The following HSD3B1 variants were observed in gnomAD, a reference collection of about 807,000 sequenced individuals.
The protein encoded by HSD3B1 is hydroxy-delta-5-steroid dehydrogenase, 3 beta- and steroid delta-isomerase 1.
HSD3B1 carries 11 observed loss-of-function variants against 10.4 expected under a neutral mutation model. The ratio of observed to expected loss-of-function variants is 1.05; its 90% confidence interval spans 0.66 to 1.75. The LOEUF is 1.75. HSD3B1 is among the 40% of genes most tolerant of loss of function. The pLI, the probability that HSD3B1 is intolerant of heterozygous loss-of-function variation, is 0.00. For synonymous variants in HSD3B1, 217 were observed against 185.4 expected (o/e 1.17, Z -1.39); for missense variants, 490 against 454.5 (o/e 1.08, Z -0.71).
At chr1:119,509,425 T>C (rs1190318166) in intron 2 of HSD3B1, among the ~76,000 whole-genome samples, 1 of 152,204 alleles carries the variant, frequency 6.6e-6, no homozygotes, top group African/African-American at 2.4e-5. Context: ...AAAGTACCTT[T>C]TCCTAGTCCC....
At position 119,509,010 on chromosome 1, in the gene HSD3B1, A is replaced by G. The variant is rs587654796; in HGVS notation, c.145+1389A>G. ...TTGTTCCCCTATGGTAAAAATGCAG[A>G]TCATATAATAGACAGGCAGGGATCT... On this transcript the variant is annotated intron_variant, in intron 2 of 3. Transcript: ENST00000369413. Among the ~76,000 whole-genome samples, 22 of 152,362 alleles carry G rather than the reference A, an allele frequency of 1.4e-4. No homozygotes were observed. The South Asian group carries it at 2.3e-3, about 16-fold the overall frequency.
chr1:119,509,382 C>T (rs1280679063), intron 2 of HSD3B1, among the ~76,000 whole-genome samples: 1 of 152,180 alleles, frequency 6.6e-6, no homozygotes, highest in Non-Finnish European at 1.5e-5. Flanking sequence ...TCTACAGTGC[C>T]TTGGAGAAGA....
chr1:119,510,273 T>C (rs992646573), intron 2 of HSD3B1, among the ~76,000 whole-genome samples: 2 of 152,158 alleles, frequency 1.3e-5, no homozygotes, highest in Admixed American at 6.5e-5. Flanking sequence ...GCGATGTTAG[T>C]TCATTGGTGG....
intron 3 of HSD3B1, 33 bp downstream of exon 3, chr1:119,511,700 T>G (rs745314194): frequency 6.2e-7 from 1 of 1,604,260 alleles, no homozygotes; most frequent in South Asian, 1.1e-5. Context: ...TGCAGCAAGG[T>G]GGGGAATTAA....
At chr1:119,509,431 G>A (rs1427210812) in intron 2 of HSD3B1, among the ~76,000 whole-genome samples, 1 of 152,188 alleles carries the variant, frequency 6.6e-6, no homozygotes, top group African/African-American at 2.4e-5. Flanking sequence ...CCTTTTCCTA[G>A]TCCCTCTAGA....
chr1:119,513,760 A>C (rs1380122968), intron 3 of HSD3B1, 74 bp from the exon 4 acceptor site: 4 of 1,374,758 alleles, frequency 2.9e-6, no homozygotes, highest in East Asian at 2.3e-5. Flanking sequence ...GGGGTGGGGC[A>C]CATAGATCTG....
intron 2 of HSD3B1, among the ~76,000 whole-genome samples, chr1:119,509,747 G>A (rs1309097193): frequency 6.6e-6 from 1 of 152,190 alleles, no homozygotes; most frequent in African/African-American, 2.4e-5. Flanking sequence ...GGTCCTGCTT[G>A]TACCCCAGGA....
At chr1:119,511,782 C>A in intron 3 of HSD3B1, 115 bp downstream of exon 3, 4 of 948,812 alleles carry the variant, frequency 4.2e-6, no homozygotes, top group Non-Finnish European at 3.3e-6. Flanking sequence ...GGGCCAAGTG[C>A]CTTTGCTGAT....
intron 2 of HSD3B1, 93 bp downstream of exon 2, chr1:119,507,714 T>G: frequency 7.3e-7 from 1 of 1,360,706 alleles, no homozygotes; most frequent in Non-Finnish European, 1.0e-6. Context: ...TTATTGAAAT[T>G]TGTAGCCAAA....
chr1:119,511,350 CCTT>C (rs1409273195), intron 2 of HSD3B1, among the ~76,000 whole-genome samples, 150 bp from the exon 3 acceptor site: 1 of 152,214 alleles, frequency 6.6e-6, no homozygotes, highest in Non-Finnish European at 1.5e-5. Context: ...GATTTCTGTG[CCTT>C]TTTTACTTGT....
intron 3 of HSD3B1, 41 bp from the exon 4 acceptor site, chr1:119,513,793 G>A: frequency 6.3e-7 from 1 of 1,597,598 alleles, no homozygotes; most frequent in Non-Finnish European, 8.6e-7. Flanking sequence ...GCACCTCTTA[G>A]GGATATATCC....
rs189368999 is a variant in HSD3B1, at chr1:119,507,540, C to T, written c.64C>T (p.Leu22Phe). ...GTTTCTGGGACAGAGGATCATCCGC[C>T]TCTTGGTGAAGGAGAAGGAGCTGAA... ...GGFLGQRIIR[L>F]LVKEKELKEI... Residue 22 changes from leucine to phenylalanine, a missense_variant, in exon 2 of 4, where the codon CTC becomes TTC. Coordinates refer to ENST00000369413, the MANE Select transcript of HSD3B1 (RefSeq NM_000862.3). 8.1e-6 allele frequency: 13 copies of T among 1,613,996 alleles called. No individual in the cohort carries two copies. In the Admixed American group the frequency reaches 1.3e-4, roughly 17 times the overall value.
Position 119,513,986 on chromosome 1 carries a change from T to C in HSD3B1, c.463T>C (p.Tyr155His), listed in dbSNP as rs1654021999. The change falls in exon 4 of 4, where the codon TAC becomes CAC. Residue 155 changes from tyrosine (Y) to histidine (H), a missense_variant. Coordinates refer to ENST00000369413, the MANE Select transcript of HSD3B1 (RefSeq NM_000862.3). ...EPLENTWPAP[Y>H]PHSKKLAEKA... Reference sequence around the variant, plus strand: ...TCTGGAAAACACATGGCCCGCTCCATACCCACACAGCAAAAAGCTTGCTGA... The same window carrying C: ...TCTGGAAAACACATGGCCCGCTCCACACCCACACAGCAAAAAGCTTGCTGA... The C allele has an allele frequency of 1.9e-6, 3 of 1,613,970 alleles. No individual in the cohort carries two copies. The highest frequency in any genetic ancestry group is 1.7e-5 in the Admixed American group (1 of 60,000).
chr1:119,511,552 T>A lies in HSD3B1; in HGVS notation c.195T>A (p.Asp65Glu), dbSNP rs751182222. 9.3e-6 allele frequency: 15 copies of A among 1,613,674 alleles called. No homozygotes were observed. Among genetic ancestry groups the A allele is most frequent in the Non-Finnish European group, 1.2e-5 (14 of 1,179,786 alleles). The change falls in exon 3 of 4, where the codon GAT becomes GAA. Residue 65 changes from aspartate (D) to glutamate (E), a missense_variant. Coordinates refer to ENST00000369413, the MANE Select transcript of HSD3B1 (RefSeq NM_000862.3). ...KLTVLEGDIL[D>E]EPFLKRACQD... is the part of the protein sequence containing the mutation. Reference sequence around the variant, plus strand: ...CAGTGCTGGAAGGAGACATTCTGGATGAGCCATTCCTGAAGAGAGCCTGCC... The same window carrying A: ...CAGTGCTGGAAGGAGACATTCTGGAAGAGCCATTCCTGAAGAGAGCCTGCC...
At chr1:119,512,105 TG>T (rs1255391122) in intron 3 of HSD3B1, among the ~76,000 whole-genome samples, 1 of 152,198 alleles carries the variant, frequency 6.6e-6, no homozygotes, top group East Asian at 1.9e-4. Flanking sequence ...GAACCTTGTG[TG>T]TAGGCTGATG....
Position 119,514,162 on chromosome 1 carries a change from A to AAC in HSD3B1, c.640_641insCA (p.Ser214ThrfsTer25). ...CCCTGAACAACAATGGGATCCTGTC[A>AAC]AGTGTTGGAAAGTTCTCCACTGTTA... On this transcript the variant is annotated frameshift_variant, in exon 4 of 4. Coordinates refer to ENST00000369413, the MANE Select transcript of HSD3B1 (RefSeq NM_000862.3). LOFTEE classifies it low-confidence loss of function (END_TRUNC). 6.2e-7 allele frequency: 1 copy of AAC among 1,614,112 alleles called. No homozygotes were observed. Among genetic ancestry groups the AAC allele is most frequent in the African/African-American group, 1.3e-5 (1 of 75,042 alleles).
chr1:119,509,751 C>A (rs896057417), intron 2 of HSD3B1, among the ~76,000 whole-genome samples: 11 of 152,264 alleles, frequency 7.2e-5, no homozygotes, highest in Admixed American at 5.9e-4. Flanking sequence ...CTGCTTGTAC[C>A]CCAGGAAGGA....
At chr1:119,507,759 A>G in intron 2 of HSD3B1, 138 bp downstream of exon 2, 1 of 845,560 alleles carries the variant, frequency 1.2e-6, no homozygotes, top group Non-Finnish European at 1.9e-6. Context: ...TCATCAAGAA[A>G]TAAATATTAA....
At chr1:119,511,992 T>A (rs1653950965) in intron 3 of HSD3B1, 1 of 293,846 alleles carries the variant, frequency 3.4e-6, no homozygotes. Context: ...GTGGTTCCAA[T>A]CAAAAGTCAA....
Sources: allele counts gnomAD v4.1 joint callset (sites outside exome capture counted in the v4.1 genomes callset), GRCh38; gene constraint gnomAD v4.1.1; transcripts MANE v1.5; gene names NCBI Gene and HGNC (gene_info 2026-07-23, HGNC 2026-07-21).